Variants in NAV1 observed in about 807,000 individuals in gnomAD.
The protein encoded by NAV1 is neuron navigator 1, also known as pore membrane and/or filament interacting like protein 3.
In NAV1, 18 loss-of-function variants were observed where a neutral mutation model predicts 175.2. The observed-to-expected ratio is 0.10, with a 90% CI of 0.07 to 0.15. The LOEUF is 0.15. Ranked by LOEUF, NAV1 falls within the 10% of genes least tolerant of loss-of-function variation. The pLI is 1.00. For missense variants in NAV1, 1,731 were observed against 2,436.6 expected, an observed-to-expected ratio of 0.71 and a Z score of 6.10; for synonymous variants, 897 against 978.7, an observed-to-expected ratio of 0.92 and a Z score of 1.56.
chr1:201,724,715 A>T (rs1365995270), intron 3 of NAV1: 3 of 152,680 alleles, frequency 2.0e-5, no homozygotes, highest in Non-Finnish European at 4.4e-5. Context: ...TGTGTCGGGA[A>T]CAGAAGGATT....
intron 1 of NAV1, among the ~76,000 whole-genome samples, chr1:201,586,635 T>C (rs554931193): frequency 6.6e-6 from 1 of 151,296 alleles, no homozygotes; most frequent in South Asian, 2.1e-4. Flanking sequence ...CAGGCACACA[T>C]GGGGGTGGGA....
chr1:201,553,420 G>T (rs1665920490), intron 1 of NAV1, among the ~76,000 whole-genome samples: 1 of 152,268 alleles, frequency 6.6e-6, no homozygotes, highest in Non-Finnish European at 1.5e-5. Flanking sequence ...AGAGAGAGAA[G>T]CAGGAGAAAA....
At chr1:201,793,909 T>TGTGTGGGGGGGGGGGGGGGGGCCCC in intron 14 of NAV1, 34 bp downstream of exon 18, 1 of 516,474 alleles carries the variant, frequency 1.9e-6, no homozygotes. Flanking sequence ...GAGGGGTGGG[T>TGTGTGGGGGGGGGGGGGGGGGCCCC]GCGGCGAGGG....
intron 1 of NAV1, among the ~76,000 whole-genome samples, chr1:201,666,627 C>T (rs1443942517): frequency 6.6e-6 from 1 of 152,170 alleles, no homozygotes; most frequent in African/African-American, 2.4e-5. Flanking sequence ...CCTATCTCCC[C>T]AGCAGCCCAC....
At chr1:201,716,564 A>G (rs559815542) in intron 2 of NAV1, among the ~76,000 whole-genome samples, 1 of 152,338 alleles carries the variant, frequency 6.6e-6, no homozygotes, top group Non-Finnish European at 1.5e-5. Flanking sequence ...GCAGAGCTGC[A>G]GAACACAAAG....
intron 3 of NAV1, among the ~76,000 whole-genome samples, chr1:201,753,088 C>T (rs1674232939): frequency 6.6e-6 from 1 of 152,144 alleles, no homozygotes; most frequent in Non-Finnish European, 1.5e-5. Context: ...TAGAAACTCA[C>T]ACCCCCTAAG....
At chr1:201,648,659 C>T (rs1162284803) in exon 1 of NAV1, 4 of 1,388,364 alleles carry the variant, frequency 2.9e-6, no homozygotes, top group Non-Finnish European at 3.7e-6. Flanking sequence ...ATGCGCTCCT[C>T]GCGGGCAGAA....
intron 2 of NAV1, among the ~76,000 whole-genome samples, chr1:201,638,849 C>A (rs998351045): frequency 6.6e-6 from 1 of 152,168 alleles, no homozygotes; most frequent in Non-Finnish European, 1.5e-5. Flanking sequence ...ACTGTAAGAT[C>A]CCCTGTCTTT....
chr1:201,788,408 C>A lies in NAV1; in HGVS notation c.2996-60C>A. On this transcript the variant is annotated intron_variant, in intron 9 of 29. Coordinates refer to ENST00000367296, the Ensembl canonical transcript of NAV1. The surrounding 1 kb of genome is among the most constrained non-coding windows in gnomAD (Gnocchi z 5.7). ...CCCAAGGGCCCGGAGAGCTGATGAC[C>A]CTGCCTCTTTTCCTGCCCTCCTGCT... 1 of 1,589,262 alleles carries A rather than the reference C, an allele frequency of 6.3e-7. No homozygotes were observed. Among genetic ancestry groups the A allele is most frequent in the Non-Finnish European group, 8.6e-7 (1 of 1,160,824 alleles).
chr1:201,657,299 GC>G (rs1471099044), intron 1 of NAV1, among the ~76,000 whole-genome samples: 2 of 152,152 alleles, frequency 1.3e-5, no homozygotes, highest in Non-Finnish European at 2.9e-5. Context: ...TTCCAGGAAA[GC>G]ACTCATTATT....
intron 3 of NAV1, among the ~76,000 whole-genome samples, chr1:201,757,583 T>C (rs973488854): frequency 6.6e-6 from 1 of 152,240 alleles, no homozygotes; most frequent in Non-Finnish European, 1.5e-5. Flanking sequence ...TTGATATAGA[T>C]TGCACACTAT....
At position 201,788,393 on chromosome 1, in the gene NAV1, C is replaced by T. The variant is rs565853238; in HGVS notation, c.2996-75C>T. ...CCCGGTGCTCCATCCCCCAAGGGCC[C>T]GGAGAGCTGATGACCCTGCCTCTTT... On this transcript the variant is annotated intron_variant, in intron 9 of 29. Coordinates refer to ENST00000367296, the Ensembl canonical transcript of NAV1. This position sits in a 1 kb window ranked among gnomAD's most constrained non-coding sequence, Gnocchi z 5.7. 2.0e-5 allele frequency: 31 copies of T among 1,520,908 alleles called. 1 individual carries two copies. The highest frequency in any genetic ancestry group is 2.0e-4 in the South Asian group (18 of 88,536). The allele number at this position is 1,520,908 out of a possible 1,614,324, so 94.2% of individuals were successfully genotyped here.
At chr1:201,781,833 C>G (rs1558156949) in intron 5 of NAV1, among the ~76,000 whole-genome samples, 1 of 152,222 alleles carries the variant, frequency 6.6e-6, no homozygotes, top group African/African-American at 2.4e-5. Context: ...TTGTCATACT[C>G]TATTCCATTT....
exon 5 of NAV1, chr1:201,781,257 G>A: frequency 6.2e-7 from 1 of 1,613,816 alleles, no homozygotes; most frequent in African/African-American, 1.3e-5. Context: ...CCCCACCTGT[G>A]GCTGTAACTT....
At chr1:201,757,483 G>C (rs1249427919) in intron 3 of NAV1, among the ~76,000 whole-genome samples, 1 of 152,108 alleles carries the variant, frequency 6.6e-6, no homozygotes, top group African/African-American at 2.4e-5. Flanking sequence ...TGAACTCCTG[G>C]CCTCGAGCGA....
intron 1 of NAV1, among the ~76,000 whole-genome samples, chr1:201,549,093 TTCTTTCTTTCTTTC>T (rs1665757239): frequency 7.7e-6 from 1 of 129,162 alleles, no homozygotes; most frequent in African/African-American, 2.7e-5. Flanking sequence ...CTTTCTTTCT[TTCTTTCTTTCTTTC>T]TTTCTTTCTT....
chr1:201,618,833 G>A (rs772492825), upstream of NAV1, among the ~76,000 whole-genome samples: 4 of 152,188 alleles, frequency 2.6e-5, no homozygotes, highest in Non-Finnish European at 5.9e-5. Flanking sequence ...ACTCTGTCTA[G>A]GGCAGAAGCA....
intron 1 of NAV1, 144 bp downstream of exon 5, chr1:201,649,569 G>C: frequency 7.5e-7 from 1 of 1,340,406 alleles, no homozygotes; most frequent in Non-Finnish European, 9.8e-7. Context: ...TGGGCATTGC[G>C]CCCAGATGTG....
chr1:201,800,683 C>T (rs76715026), intron 15 of NAV1, among the ~76,000 whole-genome samples: 5,164 of 152,054 alleles, frequency 0.034, 151 homozygotes, highest in South Asian at 0.1. Flanking sequence ...AATCCCAATC[C>T]GCAGAGGTAA....
Sources: gnomAD v4.1 joint callset for allele counts (sites outside exome capture counted in the v4.1 genomes callset) on GRCh38, gnomAD v4.1.1 for gene constraint, Gnocchi (gnomAD v3.1) non-coding constraint, MANE v1.5 for transcripts, NCBI Gene and HGNC (gene_info 2026-07-23, HGNC 2026-07-21) for gene names.